WDR49: variants seen among roughly 807,000 people sequenced by gnomAD.
The protein encoded by WDR49 is WD repeat domain 49, also known as cilia- and flagella-associated protein 337.
In WDR49, 107 loss-of-function variants were observed where a neutral mutation model predicts 119.5. That is an observed-to-expected ratio of 0.90 (90% CI 0.77 to 1.05). WDR49 has a LOEUF of 1.05. Ranked by LOEUF, WDR49 falls within the 50% of genes least tolerant of loss-of-function variation. The pLI is 0.00. For missense variants in WDR49, 1,240 were observed against 1,220.5 expected (o/e 1.02, Z -0.24); for synonymous variants, 425 against 418.8 (o/e 1.01, Z -0.18).
chr3:167,635,532 T>C lies in WDR49; in HGVS notation c.166-8240A>G, dbSNP rs530376526. On this transcript the variant is annotated intron_variant, in intron 2 of 18. Transcript: ENST00000682715. ...CTCTTTCCAATAGCATACTTCATAA[T>C]GAAATGAGGAAAGAAATACTTTCTT... Among the ~76,000 whole-genome samples, 5 of 151,846 alleles carry C rather than the reference T, an allele frequency of 3.3e-5. No homozygotes were observed. In the South Asian group the frequency reaches 8.3e-4, roughly 25 times the overall value.
chr3:167,606,910 C>A (rs75658220), intron 5 of WDR49, among the ~76,000 whole-genome samples: 19,774 of 152,156 alleles, frequency 0.13, 1,658 homozygotes, highest in South Asian at 0.2. Context: ...GACACAGGAA[C>A]CTTCAGAATG....
intron 16 of WDR49, among the ~76,000 whole-genome samples, chr3:167,521,694 C>A (rs1219734201): frequency 6.6e-6 from 1 of 151,970 alleles, no homozygotes; most frequent in East Asian, 1.9e-4. Context: ...AATAAAATAG[C>A]CATTTAGCAT....
intron 11 of WDR49, 31 bp downstream of exon 11, chr3:167,536,839 C>T: frequency 6.9e-7 from 1 of 1,446,796 alleles, no homozygotes; most frequent in South Asian, 1.7e-5. Flanking sequence ...TCAAACTTCA[C>T]CAATGATTGT....
In WDR49 at chr3:167,478,971, T is replaced by C; in HGVS notation, c.3057A>G (p.Lys1019=). Residue 1019 remains lysine, a synonymous_variant, in exon 19 of 19, where the codon AAA becomes AAG. Coordinates refer to ENST00000682715, the MANE Select transcript of WDR49 (RefSeq NM_001366157.1). ...GCAGAATTTCCTTGGGAAACAGGTT[T>C]TTCTCATCAAATACAGCTTTCAAAG... ...FKTLKAVFDE[K]NLFPKEILHH... 6.2e-7 allele frequency: 1 copy of C among 1,609,026 alleles called. No individual in the cohort carries two copies. The highest frequency in any genetic ancestry group is 8.5e-7 in the Non-Finnish European group (1 of 1,178,592).
At chr3:167,523,725 T>G (rs879596443) in intron 15 of WDR49, among the ~76,000 whole-genome samples, 2 of 152,160 alleles carry the variant, frequency 1.3e-5, no homozygotes, top group Non-Finnish European at 1.5e-5. Context: ...AGACAAGAAC[T>G]CATCCTGTTT....
chr3:167,593,210 A>G (rs572985284), intron 7 of WDR49, among the ~76,000 whole-genome samples: 2 of 151,994 alleles, frequency 1.3e-5, no homozygotes, highest in Admixed American at 6.6e-5. Flanking sequence ...TTCTCTCTCA[A>G]CTTCCTCTTT....
At chr3:167,599,602 C>T (rs540441705) in intron 7 of WDR49, among the ~76,000 whole-genome samples, 1 of 152,246 alleles carries the variant, frequency 6.6e-6, no homozygotes, top group Non-Finnish European at 1.5e-5. Context: ...AGGTGCTAGA[C>T]AAAAATCACC....
Position 167,627,245 on chromosome 3 carries a change from C to T in WDR49, c.213G>A (p.Thr71=), listed in dbSNP as rs534879854. 23 of 1,248,934 alleles carry T rather than the reference C, an allele frequency of 1.8e-5. No individual in the cohort carries two copies. The African/African-American group carries it at 2.5e-4, about 13-fold the overall frequency. 77.4% of individuals were successfully genotyped at this position (1,248,934 alleles called of 1,614,324 possible). Residue 71 remains threonine (T), a synonymous_variant, in exon 3 of 19, where the codon ACG becomes ACA. Coordinates refer to ENST00000682715, the MANE Select transcript of WDR49 (RefSeq NM_001366157.1). ...AACCAACAATCTCTGTCATCTTCTGCGTGAAGTCTTCTCTGGACATACAAA... is the reference window on the plus strand; with the variant it reads ...AACCAACAATCTCTGTCATCTTCTGTGTGAAGTCTTCTCTGGACATACAAA... The part of the protein sequence containing the change: ...KIICMSREDF[T]QKMTEIVGWG...
chr3:167,600,366 A>C (rs1468199056), intron 7 of WDR49, among the ~76,000 whole-genome samples: 1 of 152,132 alleles, frequency 6.6e-6, no homozygotes, highest in African/African-American at 2.4e-5. Context: ...CCACACAGAC[A>C]CTGTGGTGGG....
At chr3:167,524,291 A>G (rs1752557884) in intron 15 of WDR49, among the ~76,000 whole-genome samples, 1 of 152,152 alleles carries the variant, frequency 6.6e-6, no homozygotes, top group African/African-American at 2.4e-5. Flanking sequence ...TAGATTCTGG[A>G]TATTAGACCT....
At chr3:167,511,344 T>C (rs1751962389) in intron 16 of WDR49, among the ~76,000 whole-genome samples, 1 of 152,228 alleles carries the variant, frequency 6.6e-6, no homozygotes, top group Admixed American at 6.5e-5. Flanking sequence ...TACTTTTTGA[T>C]GCGTTATTTT....
chr3:167,627,798 A>T (rs773909465), intron 2 of WDR49, among the ~76,000 whole-genome samples: 2 of 152,042 alleles, frequency 1.3e-5, no homozygotes, highest in East Asian at 1.9e-4. Context: ...AGCAACAGGA[A>T]ATTAGTACAG....
chr3:167,637,469 T>C (rs2108336783), intron 2 of WDR49, among the ~76,000 whole-genome samples: 1 of 151,996 alleles, frequency 6.6e-6, no homozygotes, highest in South Asian at 2.1e-4. Context: ...TTGCTTTGGC[T>C]ATGTGGGCTC....
In WDR49 at chr3:167,510,151, G is replaced by A. The variant is rs191872643; in HGVS notation, c.2775-4735C>T. Among the ~76,000 whole-genome samples, 497 of 152,282 alleles carry A rather than the reference G, an allele frequency of 3.3e-3. 4 individuals carry two copies. Among genetic ancestry groups the A allele is most frequent in the East Asian group, 0.031 (163 of 5,184 alleles). On this transcript the variant is annotated intron_variant, in intron 16 of 18. Coordinates refer to ENST00000682715, the MANE Select transcript of WDR49 (RefSeq NM_001366157.1). ...TATAATCCCAGCACTTTGGGAGGCC[G>A]AGGCGGGCAGATCACGAGGTCAGGA...
chr3:167,601,551 T>A (rs1243869280), intron 7 of WDR49, among the ~76,000 whole-genome samples: 3 of 152,122 alleles, frequency 2.0e-5, no homozygotes, highest in Admixed American at 6.5e-5. Context: ...TAAGTGGATA[T>A]AAGTAATAAA....
intron 10 of WDR49, 64 bp downstream of exon 10, chr3:167,554,586 C>T: frequency 8.9e-7 from 1 of 1,121,622 alleles, no homozygotes; most frequent in Admixed American, 2.6e-5. Flanking sequence ...ACAGAGTCAA[C>T]CAAGATTTTT....
Position 167,621,617 on chromosome 3 carries a change from C to T in WDR49, c.633G>A (p.Glu211=), listed in dbSNP as rs1716875532. The T allele has an allele frequency of 2.0e-6, 3 of 1,533,324 alleles. No homozygotes were observed. Among genetic ancestry groups the T allele is most frequent in the South Asian group, 2.4e-5 (2 of 83,536 alleles). 95.0% of individuals were successfully genotyped at this position (1,533,324 alleles called of 1,614,324 possible). ...NKIAVAFTSK[E]VCFYDLLSKE... is the part of the protein sequence containing the mutation. ...TGGACAGCAGATCATAGAAACAAACCTCTTTACTTGTAAAAGCCACTGCTA... is the reference window on the plus strand; with the variant it reads ...TGGACAGCAGATCATAGAAACAAACTTCTTTACTTGTAAAAGCCACTGCTA... The change falls in exon 4 of 19, where the codon GAG becomes GAA. Residue 211 remains glutamate (E), a synonymous_variant. Transcript: ENST00000682715.
Position 167,531,227 on chromosome 3 carries a change from G to A in WDR49, c.2106C>T (p.Pro702=), listed in dbSNP as rs1407376318. The A allele has an allele frequency of 3.1e-6, 5 of 1,611,584 alleles. No individual in the cohort carries two copies. Among genetic ancestry groups the A allele is most frequent in the Admixed American group, 3.3e-5 (2 of 59,946 alleles). ...LSAGRSQPSH[P]MADHSTTGVR... The stretch of plus-strand genomic sequence containing the variant: ...CTCCCGTGGTAGAATGGTCTGCCAT[G>A]GGGTGGGAGGGTTGGCTTCTCCCAG... The change falls in exon 13 of 19, where the codon CCC becomes CCT. Residue 702 remains proline (P), a synonymous_variant. Coordinates refer to ENST00000682715, the MANE Select transcript of WDR49 (RefSeq NM_001366157.1).
chr3:167,522,435 G>A lies in WDR49; in HGVS notation c.2654C>T (p.Thr885Ile). 3.1e-6 allele frequency: 5 copies of A among 1,609,952 alleles called. No homozygotes were observed. Among genetic ancestry groups the A allele is most frequent in the Middle Eastern group, 3.3e-4 (2 of 5,984 alleles). ...TTGAATCTCACTTTCCACTAAATTAGTATCTCTTTTAGGAAGGAAAAGGCA... is the reference window on the plus strand; with the variant it reads ...TTGAATCTCACTTTCCACTAAATTAATATCTCTTTTAGGAAGGAAAAGGCA... ...ENCLFLPKRD[T>I]NLVESEIQKE... The change falls in exon 16 of 19, where the codon ACT becomes ATT. Residue 885 changes from threonine to isoleucine, a missense_variant. By Grantham distance (89) the Thr-to-Ile change is moderately conservative. Coordinates refer to ENST00000682715, the MANE Select transcript of WDR49 (RefSeq NM_001366157.1).
Sources: allele counts gnomAD v4.1 joint callset (sites outside exome capture counted in the v4.1 genomes callset), GRCh38; gene constraint gnomAD v4.1.1; transcripts MANE v1.5; gene names NCBI Gene and HGNC (gene_info 2026-07-23, HGNC 2026-07-21).